Variants in SLC5A12 observed in about 807,000 individuals in gnomAD.
SLC5A12 encodes the protein sodium-coupled monocarboxylate transporter 2.
In SLC5A12, 46 loss-of-function variants were observed where a neutral mutation model predicts 72.7. The ratio of observed to expected loss-of-function variants is 0.63; its 90% CI spans 0.50 to 0.81. The LOEUF is 0.81. SLC5A12 is among the 30% of genes least tolerant of loss of function. The pLI is 0.00. For synonymous variants in SLC5A12, 275 were observed against 264.4 expected (o/e 1.04, Z -0.39); for missense variants, 683 against 740.7 (o/e 0.92, Z 0.90).
At chr11:26,710,469 TA>T (rs918957308) in intron 3 of SLC5A12, among the ~76,000 whole-genome samples, 52 of 152,244 alleles carry the variant, frequency 3.4e-4, no homozygotes, top group African/African-American at 1.3e-3. Context: ...ACCAACAGTG[TA>T]AAAGCATTCC....
At chr11:26,705,104 T>C (rs72884807) in intron 4 of SLC5A12, among the ~76,000 whole-genome samples, 26,877 of 151,970 alleles carry the variant, frequency 0.18, 2,795 homozygotes, top group Admixed American at 0.28. Flanking sequence ...AAATAAATAA[T>C]TAAATAACAT....
At chr11:26,711,630 CA>C (rs956209077) in intron 2 of SLC5A12, among the ~76,000 whole-genome samples, 3 of 151,998 alleles carry the variant, frequency 2.0e-5, no homozygotes, top group Admixed American at 6.6e-5. Context: ...CTAAGGGATA[CA>C]AAAATAGACT....
intron 14 of SLC5A12, 33 bp from the exon 15 acceptor site, chr11:26,671,284 A>T (rs371258268): frequency 6.4e-7 from 1 of 1,556,864 alleles, no homozygotes; most frequent in Non-Finnish European, 8.7e-7. Flanking sequence ...TATTAGCAAG[A>T]TATCCTTGAT....
At chr11:26,680,106 A>T (rs1052890129) in intron 12 of SLC5A12, among the ~76,000 whole-genome samples, 1 of 151,524 alleles carries the variant, frequency 6.6e-6, no homozygotes, top group Non-Finnish European at 1.5e-5. Context: ...AGAAGCCTGG[A>T]CTCAGAGGGA....
chr11:26,682,492 T>C (rs1312482919), intron 11 of SLC5A12, among the ~76,000 whole-genome samples: 7 of 152,040 alleles, frequency 4.6e-5, no homozygotes, highest in Non-Finnish European at 1.0e-4. Flanking sequence ...AGAGCCATGA[T>C]TGGTTAGTAG....
At chr11:26,712,914 A>T (rs1855266015) in intron 1 of SLC5A12, among the ~76,000 whole-genome samples, 1 of 152,158 alleles carries the variant, frequency 6.6e-6, no homozygotes, top group South Asian at 2.1e-4. Context: ...CGTGTTTCTC[A>T]TGATGATCAG....
chr11:26,678,760 C>T lies in SLC5A12; in HGVS notation c.1531G>A (p.Gly511Ser). Residue 511 changes from glycine (G) to serine (S), a missense_variant, in exon 13 of 15, where the codon GGC becomes AGC. Coordinates refer to ENST00000396005, the MANE Select transcript of SLC5A12 (RefSeq NM_178498.4). The part of the protein sequence containing the change: ...SISYLYYSAV[G>S]CLGCIVAGVI... ...CCAGCAACAATGCATCCTAAGCAGC[C>T]CACTGCACTGTAGTAAAGGTAGGAG... 6.2e-7 allele frequency: 1 copy of T among 1,613,338 alleles called. No individual in the cohort carries two copies. The highest frequency in any genetic ancestry group is 1.1e-5 in the South Asian group (1 of 91,028).
At chr11:26,692,207 A>G (rs1462586453) in intron 9 of SLC5A12, 2 of 252,838 alleles carry the variant, frequency 7.9e-6, no homozygotes, top group Non-Finnish European at 1.5e-5. Flanking sequence ...CCTGGGCCGT[A>G]TGCGGCCCAC....
At chr11:26,686,645 T>C in intron 9 of SLC5A12, 101 bp from the exon 10 acceptor site, 1 of 997,636 alleles carries the variant, frequency 1.0e-6, no homozygotes, top group Non-Finnish European at 1.5e-6. Flanking sequence ...CCAAGCCCTT[T>C]GCAAAGGGAT....
intron 4 of SLC5A12, among the ~76,000 whole-genome samples, chr11:26,708,831 T>G (rs1855152344): frequency 6.6e-6 from 1 of 152,030 alleles, no homozygotes; most frequent in African/African-American, 2.4e-5. Flanking sequence ...TAATCCAGGC[T>G]TACCCAGAAA....
chr11:26,678,697 G>A lies in SLC5A12; in HGVS notation c.1579+15C>T. On this transcript the variant is annotated intron_variant, in intron 13 of 14. Coordinates refer to ENST00000396005, the MANE Select transcript of SLC5A12 (RefSeq NM_178498.4). Reference sequence around the variant, plus strand: ...CATATCTTCTTTAGTCCCAAAGGGAGGAATTATAACCAACCTGTTATGAGG... The same window carrying A: ...CATATCTTCTTTAGTCCCAAAGGGAAGAATTATAACCAACCTGTTATGAGG... The A allele has an allele frequency of 6.3e-7, 1 of 1,594,378 alleles. No individual in the cohort carries two copies. Among genetic ancestry groups the A allele is most frequent in the Non-Finnish European group, 8.6e-7 (1 of 1,164,248 alleles).
At chr11:26,717,009 G>T (rs1590743288) in intron 1 of SLC5A12, among the ~76,000 whole-genome samples, 1 of 151,998 alleles carries the variant, frequency 6.6e-6, no homozygotes, top group Admixed American at 6.6e-5. Flanking sequence ...CGTTGGTTCA[G>T]ACCCTAAATA....
chr11:26,671,831 C>A (rs1401218773), intron 14 of SLC5A12, among the ~76,000 whole-genome samples: 1 of 152,128 alleles, frequency 6.6e-6, no homozygotes, highest in Non-Finnish European at 1.5e-5. Context: ...CAACAAATAA[C>A]TTGATCCGTT....
intron 12 of SLC5A12, among the ~76,000 whole-genome samples, chr11:26,679,888 GATGCTTGGATAGA>G (rs768996806): frequency 1.8e-4 from 28 of 152,026 alleles, no homozygotes; most frequent in Non-Finnish European, 3.8e-4. Context: ...TAAATCTAGT[GATGCTTGGATAGA>G]ATGGGTTGTA....
At chr11:26,709,733 T>C (rs1185110829) in intron 3 of SLC5A12, among the ~76,000 whole-genome samples, 1 of 152,062 alleles carries the variant, frequency 6.6e-6, no homozygotes, top group African/African-American at 2.4e-5. Context: ...TGAGCAGGGA[T>C]ATAAAAGGAA....
intron 11 of SLC5A12, among the ~76,000 whole-genome samples, chr11:26,682,739 C>G (rs186498373): frequency 6.6e-6 from 1 of 152,206 alleles, no homozygotes; most frequent in African/African-American, 2.4e-5. Context: ...GTTAACAGTG[C>G]ACTAAAATCT....
intron 9 of SLC5A12, among the ~76,000 whole-genome samples, chr11:26,690,690 T>C (rs1194330147): frequency 7.5e-5 from 11 of 145,792 alleles, no homozygotes; most frequent in Non-Finnish European, 1.2e-4. Flanking sequence ...TGGTGGCACA[T>C]GCTTGTAATC....
At chr11:26,710,354 G>A (rs180793089) in intron 3 of SLC5A12, among the ~76,000 whole-genome samples, 2 of 152,254 alleles carry the variant, frequency 1.3e-5, no homozygotes, top group Non-Finnish European at 2.9e-5. Flanking sequence ...ATAACAGAAT[G>A]ATTATAATCC....
At chr11:26,676,983 C>T (rs1854281023) in intron 13 of SLC5A12, among the ~76,000 whole-genome samples, 1 of 152,082 alleles carries the variant, frequency 6.6e-6, no homozygotes, top group Non-Finnish European at 1.5e-5. Flanking sequence ...CTCTGTCCTT[C>T]CTTACTGACC....
Sources: gnomAD v4.1 joint callset for allele counts (sites outside exome capture counted in the v4.1 genomes callset) on GRCh38, gnomAD v4.1.1 for gene constraint, MANE v1.5 for transcripts, NCBI Gene and HGNC (gene_info 2026-07-23, HGNC 2026-07-21) for gene names.